DOK5: variants seen among roughly 807,000 people sequenced by gnomAD.
The protein encoded by DOK5 is docking protein 5.
DOK5 carries 27 observed loss-of-function variants against 43.3 expected under a neutral mutation model. The ratio of observed to expected loss-of-function variants is 0.62; its 90% CI spans 0.46 to 0.86. The LOEUF (loss-of-function observed/expected upper bound fraction) is 0.86, where lower values mean the gene tolerates loss of function less well. Among genes scored for constraint, DOK5 ranks in the 40% least tolerant of loss-of-function variants. DOK5 has a pLI of 0.00. For missense variants in DOK5, 373 were observed against 392.9 expected (o/e 0.95, Z 0.43); for synonymous variants, 146 against 140.1 (o/e 1.04, Z -0.30).
intron 1 of DOK5, among the ~76,000 whole-genome samples, chr20:54,509,095 T>G (rs2146685539): frequency 6.6e-6 from 1 of 152,280 alleles, no homozygotes; most frequent in South Asian, 2.1e-4. Context: ...AGGCCGGTCT[T>G]GAACTCCCGA....
In DOK5 at chr20:54,600,556, G is replaced by A. The variant is rs1048379941; in HGVS notation, c.599+8751G>A. On this transcript the variant is annotated intron_variant, in intron 5 of 7. Coordinates refer to ENST00000262593, the MANE Select transcript of DOK5 (RefSeq NM_018431.5). Reference sequence around the variant, plus strand: ...TGGAGTCCAGAGAAGTACCAATTGTGGAGCTTCTGTTATCTTCTCCCTGTG... The same window carrying A: ...TGGAGTCCAGAGAAGTACCAATTGTAGAGCTTCTGTTATCTTCTCCCTGTG... Among the ~76,000 whole-genome samples the A allele has an allele frequency of 3.3e-5, 5 of 152,122 alleles. 1 individual carries two copies. Among genetic ancestry groups the A allele is most frequent in the African/African-American group, 7.2e-5 (3 of 41,414 alleles).
intron 2 of DOK5, among the ~76,000 whole-genome samples, chr20:54,588,152 A>G (rs969825779): frequency 1.3e-5 from 2 of 152,180 alleles, no homozygotes; most frequent in African/African-American, 4.8e-5. Flanking sequence ...CATAAGAACT[A>G]TTGGTCAAGT....
intron 1 of DOK5, among the ~76,000 whole-genome samples, chr20:54,536,461 C>T (rs57402636): frequency 0.038 from 5,830 of 152,270 alleles, 136 homozygotes; most frequent in East Asian, 0.098. Context: ...TTACTCCTCT[C>T]GCTGAGACTA....
intron 1 of DOK5, among the ~76,000 whole-genome samples, chr20:54,487,697 G>GA (rs1981993597): frequency 6.6e-6 from 1 of 152,064 alleles, no homozygotes; most frequent in African/African-American, 2.4e-5. Flanking sequence ...GGTGCTTAGG[G>GA]AAAAAACTCC....
intron 2 of DOK5, among the ~76,000 whole-genome samples, chr20:54,566,732 T>C (rs1304326272): frequency 6.6e-6 from 1 of 152,204 alleles, no homozygotes. Flanking sequence ...TCCTCTCACT[T>C]CAGCCTACCA....
intron 6 of DOK5, among the ~76,000 whole-genome samples, chr20:54,614,078 A>T (rs560567739): frequency 2.0e-5 from 3 of 151,378 alleles, no homozygotes; most frequent in South Asian, 2.1e-4. Flanking sequence ...ATATGTATAC[A>T]TAAAACAACA....
chr20:54,527,670 A>C (rs189572349), intron 1 of DOK5, among the ~76,000 whole-genome samples: 1 of 152,338 alleles, frequency 6.6e-6, no homozygotes, highest in East Asian at 1.9e-4. Context: ...TGAGAAAGAA[A>C]GAACATTTTA....
At chr20:54,580,840 T>A (rs1266448005) in intron 2 of DOK5, among the ~76,000 whole-genome samples, 4 of 152,204 alleles carry the variant, frequency 2.6e-5, no homozygotes, top group African/African-American at 9.6e-5. Context: ...CTTTTCACTC[T>A]GTTGATTGTT....
At chr20:54,526,031 C>A (rs888400050) in intron 1 of DOK5, among the ~76,000 whole-genome samples, 1 of 152,192 alleles carries the variant, frequency 6.6e-6, no homozygotes, top group African/African-American at 2.4e-5. Context: ...GTGGCAACCA[C>A]TTTCCCTCAC....
At chr20:54,493,158 C>A (rs943373596) in intron 1 of DOK5, among the ~76,000 whole-genome samples, 1 of 151,822 alleles carries the variant, frequency 6.6e-6, no homozygotes, top group Non-Finnish European at 1.5e-5. Flanking sequence ...AAATTGATTA[C>A]CTAAAAATTG....
chr20:54,568,200 G>A (rs932824516), intron 2 of DOK5, among the ~76,000 whole-genome samples: 2 of 152,142 alleles, frequency 1.3e-5, no homozygotes, highest in African/African-American at 4.8e-5. Flanking sequence ...TACACATAAT[G>A]ACATAAGAAA....
chr20:54,551,111 T>C (rs1202682335), intron 1 of DOK5, among the ~76,000 whole-genome samples: 1 of 152,218 alleles, frequency 6.6e-6, no homozygotes, highest in Non-Finnish European at 1.5e-5. Context: ...TGTGTATTGG[T>C]AGCCATTGTG....
intron 6 of DOK5, among the ~76,000 whole-genome samples, chr20:54,617,843 T>C (rs1440043510): frequency 6.6e-6 from 1 of 152,224 alleles, no homozygotes; most frequent in African/African-American, 2.4e-5. Context: ...ATGTATTTAT[T>C]GAACATCTAC....
At chr20:54,576,886 T>A (rs562192584) in intron 2 of DOK5, among the ~76,000 whole-genome samples, 64 of 152,324 alleles carry the variant, frequency 4.2e-4, no homozygotes, top group Middle Eastern at 3.4e-3. Context: ...TTTGCATTCG[T>A]TTTTTCGCAT....
intron 7 of DOK5, among the ~76,000 whole-genome samples, chr20:54,649,615 G>T (rs1309355843): frequency 6.6e-6 from 1 of 152,112 alleles, no homozygotes; most frequent in African/African-American, 2.4e-5. Context: ...TTTGCTTGCG[G>T]TAACCGTTGG....
chr20:54,617,978 C>G (rs183508597), intron 6 of DOK5, among the ~76,000 whole-genome samples: 1 of 152,304 alleles, frequency 6.6e-6, no homozygotes, highest in East Asian at 1.9e-4. Flanking sequence ...CATTTGTTCA[C>G]TCTCATTCAT....
intron 1 of DOK5, among the ~76,000 whole-genome samples, chr20:54,481,423 C>T (rs921236770): frequency 1.3e-5 from 2 of 152,176 alleles, no homozygotes; most frequent in African/African-American, 4.8e-5. Flanking sequence ...AAGCCTCGGC[C>T]TCCTAAAAGT....
At chr20:54,579,819 A>G (rs1209461169) in intron 2 of DOK5, among the ~76,000 whole-genome samples, 1 of 151,974 alleles carries the variant, frequency 6.6e-6, no homozygotes, top group Non-Finnish European at 1.5e-5. Context: ...TCTGGGGTAC[A>G]TGTGCAGAAT....
In DOK5 at chr20:54,475,768, G is replaced by A; in HGVS notation, c.-179G>A. 2.6e-6 allele frequency: 2 copies of A among 765,728 alleles called. No homozygotes were observed. Among genetic ancestry groups the A allele is most frequent in the Non-Finnish European group, 4.2e-6 (2 of 476,724 alleles). The allele number at this position is 765,728 out of a possible 1,614,324, so 47.4% of individuals were successfully genotyped here. ...CTGCAAGCCGGCCGCCCACTGTCAG[G>A]GTTGGGGGGACAGAGAAAGTGATGT... On this transcript the variant is annotated 5_prime_UTR_variant, in exon 1 of 8. Coordinates refer to ENST00000262593, the MANE Select transcript of DOK5 (RefSeq NM_018431.5). The surrounding 1 kb of genome is among the most constrained non-coding windows in gnomAD (Gnocchi z 4.2).
Sources: gnomAD v4.1 joint callset for allele counts (sites outside exome capture counted in the v4.1 genomes callset) on GRCh38, gnomAD v4.1.1 for gene constraint, Gnocchi (gnomAD v3.1) non-coding constraint, MANE v1.5 for transcripts, NCBI Gene and HGNC (gene_info 2026-07-23, HGNC 2026-07-21) for gene names.